The following NOTCH4 variants were observed in gnomAD, a reference collection of about 807,000 sequenced individuals.
The protein encoded by NOTCH4 is neurogenic locus notch homolog protein 4.
Under a neutral mutation model 189.0 loss-of-function variants are expected in NOTCH4, and 138 were observed. The observed-to-expected ratio is 0.73, with a 90% CI of 0.64 to 0.84. NOTCH4 has a LOEUF of 0.84. Among genes scored for constraint, NOTCH4 ranks in the 40% least tolerant of loss-of-function variants. NOTCH4 has a pLI of 0.00. For missense variants in NOTCH4, 2,286 were observed against 2,605.4 expected, an observed-to-expected ratio of 0.88 and a Z score of 2.67; for synonymous variants, 942 against 1,032.8, an observed-to-expected ratio of 0.91 and a Z score of 1.69.
rs2127478016 is a variant in NOTCH4, at chr6:32,212,854, G to A, written c.2496C>T (p.Cys832=). Residue 832 remains cysteine, a synonymous_variant, in exon 16 of 30, where the codon TGC becomes TGT. Transcript: ENST00000375023. This position sits in a 1 kb window ranked among gnomAD's most constrained non-coding sequence, Gnocchi z 4.4. The part of the protein sequence containing the change: ...QDSPQGPRCL[C]PTGYTGGSCQ... ...AGCTGCCTCCGGTGTAGCCAGTGGGGCAGAGGCAGCGGGGACCCTGAGGGC... is the reference window on the plus strand; with the variant it reads ...AGCTGCCTCCGGTGTAGCCAGTGGGACAGAGGCAGCGGGGACCCTGAGGGC... The A allele has an allele frequency of 6.4e-7, 1 of 1,551,366 alleles. No individual in the cohort carries two copies. Among genetic ancestry groups the A allele is most frequent in the Non-Finnish European group, 8.7e-7 (1 of 1,146,936 alleles).
chr6:32,210,738 G>T lies in NOTCH4; in HGVS notation c.2865+14C>A, dbSNP rs772667954. The T allele has an allele frequency of 2.5e-6, 4 of 1,611,210 alleles. No individual in the cohort carries two copies. In the East Asian group the frequency reaches 8.9e-5, roughly 36 times the overall value. On this transcript the variant is annotated intron_variant, in intron 18 of 29. Coordinates refer to ENST00000375023, the MANE Select transcript of NOTCH4 (RefSeq NM_004557.4). The surrounding 1 kb of genome is among the most constrained non-coding windows in gnomAD (Gnocchi z 4.8). ...CCTTGTCTTTCCTCCCCCTTCTCCT[G>T]CAGACCCTCTCACCTGGCAGAGATA... is the stretch of plus-strand genomic sequence containing the variant.
chr6:32,213,248 C>T lies in NOTCH4; in HGVS notation c.2325G>A (p.Pro775=), dbSNP rs1333712828. ...QTSTDYCVSA[P]CFNGGTCVNR... ...TCACACAGGTACCCCCATTGAAGCA[C>T]GGGGCTGGAGAGAGGAGGCTGTGAG... Residue 775 remains proline (P), a synonymous_variant, in exon 15 of 30, where the codon CCG becomes CCA. Transcript: ENST00000375023. 2.5e-6 allele frequency: 4 copies of T among 1,610,918 alleles called. No homozygotes were observed. The highest frequency in any genetic ancestry group is 2.5e-6 in the Non-Finnish European group (3 of 1,177,432).
rs1789218622 is a variant in NOTCH4 at position 32,214,136 on chromosome 6, T to A, written c.2141A>T (p.Asn714Ile). The change falls in exon 13 of 30, where the codon AAC becomes ATC. Residue 714 changes from asparagine (N) to isoleucine (I), a missense_variant. Physicochemically the swap from Asn to Ile is moderately radical, Grantham distance 149. This residue lies in a region of NOTCH4 where 1,903 missense variants were observed against 2,261.9 expected (regional missense o/e 0.84). Transcript: ENST00000375023. ...TGTGTAGCCTGTAGGGCAGGTGCAG[T>A]TGTAGCCAGAGGGCTGGGGGTAGCA... ...GTCYPQPSGY[N>I]CTCPTGYTGP... 6.2e-7 allele frequency: 1 copy of A among 1,613,398 alleles called. No individual in the cohort carries two copies. The highest frequency in any genetic ancestry group is 8.5e-7 in the Non-Finnish European group (1 of 1,179,724).
Position 32,195,887 on chromosome 6 carries a change from C to T in NOTCH4, c.5562G>A (p.Gly1854=), listed in dbSNP as rs8192581. 9.2e-3 allele frequency: 14,628 copies of T among 1,590,470 alleles called. 786 individuals are homozygous for T. The South Asian group carries it at 0.1, about 11-fold the overall frequency. Residue 1854 remains glycine (G), a synonymous_variant, in exon 30 of 30, where the codon GGG becomes GGA. Coordinates refer to ENST00000375023, the MANE Select transcript of NOTCH4 (RefSeq NM_004557.4). This position sits in a 1 kb window ranked among gnomAD's most constrained non-coding sequence, Gnocchi z 5.4. The part of the protein sequence containing the change: ...RTVSVSVPPH[G]GGALPRCRTL... ...TCCGGCAGCGCGGCAGAGCCCCGCC[C>T]CCATGCGGGGGCACGCTTACTGACA... is the stretch of plus-strand genomic sequence containing the variant.
intron 13 of NOTCH4, 43 bp downstream of exon 13, chr6:32,214,067 G>A (rs746557861): frequency 1.9e-6 from 3 of 1,577,682 alleles, no homozygotes; most frequent in Non-Finnish European, 2.6e-6. Flanking sequence ...TTGACATAGG[G>A]GGTGACCAGC....
At chr6:32,204,658 C>G (rs982618411) in intron 18 of NOTCH4, among the ~76,000 whole-genome samples, 1 of 152,226 alleles carries the variant, frequency 6.6e-6, no homozygotes, top group African/African-American at 2.4e-5. Context: ...TTTGGTAAAA[C>G]CTTCCTCCCC....
intron 17 of NOTCH4, among the ~76,000 whole-genome samples, chr6:32,211,565 C>T (rs1444803152): frequency 6.6e-6 from 1 of 151,752 alleles, no homozygotes; most frequent in South Asian, 2.1e-4. Context: ...TGCACTCCAC[C>T]CTGGGTGACA....
intron 12 of NOTCH4, 140 bp from the exon 13 acceptor site, chr6:32,214,395 A>G: frequency 3.7e-6 from 3 of 815,478 alleles, no homozygotes; most frequent in Non-Finnish European, 5.9e-6. Flanking sequence ...TGCTCTCAGC[A>G]CCGCCCCCAT....
rs535932512 is a variant in NOTCH4, at chr6:32,217,669, A to C, written c.1624+326T>G. Among the ~76,000 whole-genome samples the C allele has an allele frequency of 2.0e-5, 3 of 152,278 alleles. No individual in the cohort carries two copies. Among genetic ancestry groups the C allele is most frequent in the Admixed American group, 2.0e-4 (3 of 15,290 alleles). On this transcript the variant is annotated intron_variant, in intron 9 of 29. Coordinates refer to ENST00000375023, the MANE Select transcript of NOTCH4 (RefSeq NM_004557.4). This position sits in a 1 kb window ranked among gnomAD's most constrained non-coding sequence, Gnocchi z 4.2. Reference sequence around the variant, plus strand: ...GAGTGTCCGGTGAGGCTGGAGAAGAAAGGCTTGGGGCAGCTTTTGCTGGGT... The same window carrying C: ...GAGTGTCCGGTGAGGCTGGAGAAGACAGGCTTGGGGCAGCTTTTGCTGGGT...
chr6:32,207,224 C>T (rs909577707), intron 18 of NOTCH4, among the ~76,000 whole-genome samples: 1 of 151,200 alleles, frequency 6.6e-6, no homozygotes, highest in Non-Finnish European at 1.5e-5. Flanking sequence ...CCACCACTCC[C>T]GGCCAGCCAA....
chr6:32,207,033 G>A (rs1346825180), intron 18 of NOTCH4, among the ~76,000 whole-genome samples: 7 of 151,192 alleles, frequency 4.6e-5, no homozygotes, highest in Non-Finnish European at 1.0e-4. Flanking sequence ...GGGTTCAAGC[G>A]ATTCTCCTGC....
In NOTCH4 at chr6:32,202,720, C is replaced by T. The variant is rs948301685; in HGVS notation, c.3232-121G>A. 2.4e-6 allele frequency: 2 copies of T among 848,202 alleles called. No homozygotes were observed. The highest frequency in any genetic ancestry group is 1.7e-5 in the African/African-American group (1 of 58,420). The allele number at this position is 848,202 out of a possible 1,614,324, so 52.5% of individuals were successfully genotyped here. A position where few individuals can be genotyped will look rare whatever the true frequency, so the allele number is the denominator to read the frequency against. On this transcript the variant is annotated intron_variant, in intron 20 of 29. Transcript: ENST00000375023. This position sits in a 1 kb window ranked among gnomAD's most constrained non-coding sequence, Gnocchi z 5.7. ...CTAGATTCTCATATCTAAAAGGCGC[C>T]TCAGAGAGCATCAAGTTAATCATTT...
In NOTCH4 at chr6:32,219,788, T is replaced by A. The variant is rs2127485972; in HGVS notation, c.1316-2A>T. On this transcript the variant is annotated splice_acceptor_variant, in intron 7 of 29. Coordinates refer to ENST00000375023, the MANE Select transcript of NOTCH4 (RefSeq NM_004557.4). LOFTEE classifies it high-confidence loss of function. ...CACAGGGACTTGGGCCTTGCTGGGC[T>A]GGGAGGAGAGAAGAGCTGGGAGTCC... 6.2e-7 allele frequency: 1 copy of A among 1,610,922 alleles called. No individual in the cohort carries two copies. The highest frequency in any genetic ancestry group is 8.5e-7 in the Non-Finnish European group (1 of 1,178,996).
rs879089276 is a variant in NOTCH4 at position 32,213,689 on chromosome 6, A to G, written c.2319T>C (p.Ser773=). The G allele has an allele frequency of 5.6e-6, 9 of 1,612,798 alleles. No homozygotes were observed. In the South Asian group the frequency reaches 9.9e-5, roughly 18 times the overall value. ...CCCCATGACACAGTGGGCACTCACC[A>G]GACACACAGTAGTCAGTGCTGGTTT... is the stretch of plus-strand genomic sequence containing the variant. ...QCQTSTDYCV[S]APCFNGGTCV... The change falls in exon 14 of 30, where the codon TCT becomes TCC. Residue 773 remains serine, a splice_region_variant and synonymous_variant. Transcript: ENST00000375023.
Position 32,201,466 on chromosome 6 carries a change from G to A in NOTCH4, c.3790C>T (p.His1264Tyr). Residue 1264 changes from histidine to tyrosine, a missense_variant, in exon 22 of 30, where the codon CAC becomes TAC. Coordinates refer to ENST00000375023, the MANE Select transcript of NOTCH4 (RefSeq NM_004557.4). The surrounding 1 kb of genome is among the most constrained non-coding windows in gnomAD (Gnocchi z 5.5). ...AYDQYCHDHF[H>Y]NGHCEKGCNT... is the part of the protein sequence containing the mutation. The stretch of plus-strand genomic sequence containing the variant: ...CAGCCTTTCTCACAGTGCCCGTTGT[G>A]GAAGTGATCATGGCAGTACTGGTCA... 6.6e-7 allele frequency: 1 copy of A among 1,526,512 alleles called. No homozygotes were observed. The highest frequency in any genetic ancestry group is 8.8e-7 in the Non-Finnish European group (1 of 1,138,794). 94.6% of individuals were successfully genotyped at this position (1,526,512 alleles called of 1,614,324 possible). A position where few individuals can be genotyped will look rare whatever the true frequency, so the allele number is the denominator to read the frequency against.
rs75195903 is a variant in NOTCH4, at chr6:32,197,207, A to G, written c.5052+92T>C. ...CCCTGTCAGGTTCCCAATCACACCA[A>G]TTTCCTCCTTGTCAAACTCTAGGGG... On this transcript the variant is annotated intron_variant, in intron 27 of 29. Coordinates refer to ENST00000375023, the MANE Select transcript of NOTCH4 (RefSeq NM_004557.4). 2.6e-3 allele frequency: 3,955 copies of G among 1,515,184 alleles called. 107 individuals are homozygous for G. In the Admixed American group the frequency reaches 0.044, roughly 17 times the overall value. 93.9% of individuals were successfully genotyped at this position (1,515,184 alleles called of 1,614,324 possible).
intron 11 of NOTCH4, among the ~76,000 whole-genome samples, chr6:32,215,676 T>C (rs1227778397): frequency 6.6e-6 from 1 of 152,160 alleles, no homozygotes; most frequent in Non-Finnish European, 1.5e-5. Context: ...TTAAATGGGG[T>C]GGGCTTTTCT....
At chr6:32,223,648 C>T (rs1250190286) in intron 1 of NOTCH4, among the ~76,000 whole-genome samples, 2 of 152,054 alleles carry the variant, frequency 1.3e-5, no homozygotes, top group African/African-American at 4.8e-5. Context: ...CTCACCCATC[C>T]CCCAGCAGTC....
chr6:32,202,336 A>C lies in NOTCH4; in HGVS notation c.3495T>G (p.Ser1165=), dbSNP rs529313538. ...CGGGTTTCTGACACCGGGGCCCTGG[A>C]GAGCTGTGAGGGCAGGAGCATCGAA... ...PGFRCSCPHS[S]PGPRCQKPGA... is the part of the protein sequence containing the mutation. The change falls in exon 21 of 30, where the codon TCT becomes TCG. Residue 1165 remains serine (S), a synonymous_variant. Coordinates refer to ENST00000375023, the MANE Select transcript of NOTCH4 (RefSeq NM_004557.4). This position sits in a 1 kb window ranked among gnomAD's most constrained non-coding sequence, Gnocchi z 5.7. 152 of 1,612,886 alleles carry C rather than the reference A, an allele frequency of 9.4e-5. 4 individuals are homozygous for C. The South Asian group carries it at 1.6e-3, about 17-fold the overall frequency.
Sources: allele counts gnomAD v4.1 joint callset (sites outside exome capture counted in the v4.1 genomes callset), GRCh38; gene constraint gnomAD v4.1.1; regional missense constraint gnomAD v4.1.1; non-coding constraint Gnocchi (gnomAD v3.1); transcripts MANE v1.5; gene names NCBI Gene and HGNC (gene_info 2026-07-23, HGNC 2026-07-21).